The following MAGI2 variants were observed in gnomAD, a reference collection of about 807,000 sequenced individuals.
MAGI2 encodes membrane associated guanylate kinase, WW and PDZ domain containing 2, also known as membrane-associated guanylate kinase, WW and PDZ domain-containing protein 2.
In MAGI2, 35 loss-of-function variants were observed where a neutral mutation model predicts 133.3. The ratio of observed to expected loss-of-function variants is 0.26; its 90% CI spans 0.20 to 0.35. MAGI2 has a LOEUF of 0.35. Ranked by LOEUF, MAGI2 falls within the 10% of genes least tolerant of loss-of-function variation. The pLI, the probability that MAGI2 is intolerant of heterozygous loss-of-function variation, is 1.00. For synonymous variants in MAGI2, 729 were observed against 710.6 expected (o/e 1.03, Z -0.41); for missense variants, 1,636 against 1,863.4 (o/e 0.88, Z 2.25).
At chr7:78,034,463 C>T (rs1010324420) in intron 21 of MAGI2, among the ~76,000 whole-genome samples, 1 of 152,176 alleles carries the variant, frequency 6.6e-6, no homozygotes, top group African/African-American at 2.4e-5. Flanking sequence ...TTCCCTTCTA[C>T]TTTGAAGCAC....
At chr7:78,054,543 A>G (rs772863420) in intron 21 of MAGI2, among the ~76,000 whole-genome samples, 31 of 150,600 alleles carry the variant, frequency 2.1e-4, no homozygotes, top group South Asian at 4.2e-4. Context: ...TGTATGTATT[A>G]TATTCTTATG....
intron 2 of MAGI2, among the ~76,000 whole-genome samples, chr7:78,945,323 A>G (rs1428611151): frequency 1.3e-5 from 2 of 152,148 alleles, no homozygotes; most frequent in African/African-American, 4.8e-5. Context: ...CGGCCTCACA[A>G]AGTGCTGGAT....
chr7:78,353,364 T>C (rs1791719033), intron 7 of MAGI2, among the ~76,000 whole-genome samples: 3 of 152,188 alleles, frequency 2.0e-5, no homozygotes, highest in South Asian at 2.1e-4. Context: ...AAAGTGAACA[T>C]GACAAAATCC....
chr7:79,169,545 A>G (rs1197206208), intron 1 of MAGI2, among the ~76,000 whole-genome samples: 2 of 152,110 alleles, frequency 1.3e-5, no homozygotes, highest in African/African-American at 2.4e-5. Flanking sequence ...TGTCCTGTGC[A>G]TGGTCACACG....
At chr7:79,008,394 G>C (rs566823194) in intron 1 of MAGI2, among the ~76,000 whole-genome samples, 1 of 152,202 alleles carries the variant, frequency 6.6e-6, no homozygotes, top group South Asian at 2.1e-4. Flanking sequence ...CATTTCTAAA[G>C]TTTTCAAAAT....
chr7:78,811,494 C>T (rs1438787678), intron 2 of MAGI2, among the ~76,000 whole-genome samples: 1 of 151,796 alleles, frequency 6.6e-6, no homozygotes, highest in Non-Finnish European at 1.5e-5. Context: ...TATGAATATA[C>T]ATTTTTCTTA....
At chr7:78,164,021 T>C (rs1024558398) in intron 15 of MAGI2, among the ~76,000 whole-genome samples, 1 of 152,200 alleles carries the variant, frequency 6.6e-6, no homozygotes, top group African/African-American at 2.4e-5. Flanking sequence ...AGCTCAGTGA[T>C]GGCTGCTCCT....
intron 9 of MAGI2, among the ~76,000 whole-genome samples, chr7:78,298,031 A>C (rs1350254393): frequency 6.6e-6 from 1 of 152,074 alleles, no homozygotes; most frequent in Non-Finnish European, 1.5e-5. Flanking sequence ...TAACATTAAC[A>C]AGCAATGTCA....
chr7:78,080,141 A>G lies in MAGI2; in HGVS notation c.3568-1056T>C, dbSNP rs546805987. Reference sequence around the variant, plus strand: ...ATAGGAACACAAATTTTCCATCACAATGGCAGGAGAGCCTGAAAACAAGAC... The same window carrying G: ...ATAGGAACACAAATTTTCCATCACAGTGGCAGGAGAGCCTGAAAACAAGAC... On this transcript the variant is annotated intron_variant, in intron 20 of 21. Coordinates refer to ENST00000354212, the MANE Select transcript of MAGI2 (RefSeq NM_012301.4). Among the ~76,000 whole-genome samples the G allele has an allele frequency of 8.5e-5, 13 of 152,358 alleles. No homozygotes were observed. The South Asian group carries it at 1.4e-3, about 17-fold the overall frequency.
intron 2 of MAGI2, among the ~76,000 whole-genome samples, chr7:78,826,876 C>CA (rs1430478963): frequency 2.0e-5 from 3 of 152,008 alleles, no homozygotes; most frequent in African/African-American, 7.2e-5. Flanking sequence ...TACACACATA[C>CA]ACACAACTCC....
At chr7:78,781,380 C>CAA (rs748533885) in intron 2 of MAGI2, among the ~76,000 whole-genome samples, 7,658 of 100,864 alleles carry the variant, frequency 0.076, 492 homozygotes, top group African/African-American at 0.092. Flanking sequence ...CTCCGTCTCA[C>CAA]AAAAAAAAAA....
At position 78,536,651 on chromosome 7, in the gene MAGI2, C is replaced by G. The variant is rs910271379; in HGVS notation, c.539-15006G>C. ...GGAAGACTTTTTCTTGATGACCTCC[C>G]CTTATCTCATTTGGAAATAAGCAAT... On this transcript the variant is annotated intron_variant, in intron 3 of 21. Coordinates refer to ENST00000354212, the MANE Select transcript of MAGI2 (RefSeq NM_012301.4). 3.9e-5 allele frequency among the ~76,000 whole-genome samples: 6 copies of G among 152,144 alleles called. No homozygotes were observed. In the East Asian group the frequency reaches 9.7e-4, roughly 24 times the overall value.
intron 1 of MAGI2, among the ~76,000 whole-genome samples, chr7:79,418,439 C>T (rs947847236): frequency 7.9e-5 from 12 of 152,032 alleles, no homozygotes; most frequent in African/African-American, 2.4e-5. Flanking sequence ...ATATTCCTTC[C>T]TATTCTCAAG....
intron 1 of MAGI2, among the ~76,000 whole-genome samples, chr7:79,254,286 C>A (rs770590789): frequency 7.4e-6 from 1 of 135,210 alleles, no homozygotes; most frequent in African/African-American, 2.6e-5. Context: ...CTATCACACG[C>A]TTTAGAAGTA....
At chr7:78,632,422 A>G (rs1172463423) in intron 2 of MAGI2, among the ~76,000 whole-genome samples, 1 of 152,214 alleles carries the variant, frequency 6.6e-6, no homozygotes, top group Non-Finnish European at 1.5e-5. Flanking sequence ...AGGGGAGCAG[A>G]GACCCACAAT....
chr7:79,192,700 G>A (rs1051941799), intron 1 of MAGI2, among the ~76,000 whole-genome samples: 9 of 151,802 alleles, frequency 5.9e-5, no homozygotes, highest in African/African-American at 9.7e-5. Context: ...GGGGAAGAGT[G>A]ACTTATTATA....
At chr7:78,421,611 A>G (rs1409068251) in intron 6 of MAGI2, among the ~76,000 whole-genome samples, 1 of 152,152 alleles carries the variant, frequency 6.6e-6, no homozygotes, top group East Asian at 1.9e-4. Flanking sequence ...CCAGGAGTTC[A>G]AGATCAGCCT....
chr7:78,640,160 C>T (rs1810130413), intron 2 of MAGI2, among the ~76,000 whole-genome samples: 1 of 152,056 alleles, frequency 6.6e-6, no homozygotes, highest in African/African-American at 2.4e-5. Context: ...GTATTTCCTT[C>T]CTGATTGGAG....
In MAGI2 at chr7:78,500,933, C is replaced by T. The variant is rs140490114; in HGVS notation, c.965+644G>A. Reference sequence around the variant, plus strand: ...CAAAGCCCCACCTCTACTAAAAATACAAAAATTAGCCAGGCATGGTGGTAT... The same window carrying T: ...CAAAGCCCCACCTCTACTAAAAATATAAAAATTAGCCAGGCATGGTGGTAT... On this transcript the variant is annotated intron_variant, in intron 5 of 21. Transcript: ENST00000354212. Among the ~76,000 whole-genome samples, 816 of 152,178 alleles carry T rather than the reference C, an allele frequency of 5.4e-3. 9 individuals carry two copies. Among genetic ancestry groups the T allele is most frequent in the African/African-American group, 0.019 (784 of 41,496 alleles).
Sources: allele counts gnomAD v4.1 joint callset (sites outside exome capture counted in the v4.1 genomes callset), GRCh38; gene constraint gnomAD v4.1.1; transcripts MANE v1.5; gene names NCBI Gene and HGNC (gene_info 2026-07-23, HGNC 2026-07-21).